Variants in UBR3 observed in about 807,000 individuals in gnomAD.
The protein encoded by UBR3 is E3 ubiquitin-protein ligase UBR3.
In UBR3, 85 loss-of-function variants were observed where a neutral mutation model predicts 243.2. The ratio of observed to expected loss-of-function variants is 0.35; its 90% CI spans 0.29 to 0.42. UBR3 has a LOEUF of 0.42. Among genes scored for constraint, UBR3 ranks in the 10% least tolerant of loss-of-function variants. The pLI, the probability that UBR3 is intolerant of heterozygous loss-of-function variation, is 1.00. For synonymous variants in UBR3, 748 were observed against 799.8 expected (o/e 0.94, Z 1.09); for missense variants, 1,686 against 2,300.8 (o/e 0.73, Z 5.47).
At chr2:169,936,974 A>G (rs13020522) in intron 19 of UBR3, among the ~76,000 whole-genome samples, 64,400 of 152,018 alleles carry the variant, frequency 0.42, 15,243 homozygotes, top group Non-Finnish European at 0.54. Flanking sequence ...TGGTGCTGCA[A>G]TAAACATACA....
intron 10 of UBR3, among the ~76,000 whole-genome samples, chr2:169,909,284 AG>A (rs1339197584): frequency 7.2e-5 from 11 of 152,284 alleles, no homozygotes; most frequent in African/African-American, 2.6e-4. Context: ...TTTTTAAGCA[AG>A]GGTTTAATGT....
At chr2:169,844,008 T>G (rs2082383607) in intron 1 of UBR3, among the ~76,000 whole-genome samples, 1 of 36,074 alleles carries the variant, frequency 2.8e-5, no homozygotes, top group Admixed American at 3.2e-4. Context: ...TTCTCTTTAC[T>G]TTTTTTTTTT....
chr2:169,928,324 A>G (rs2085985227), intron 17 of UBR3, among the ~76,000 whole-genome samples: 2 of 152,056 alleles, frequency 1.3e-5, no homozygotes, highest in Admixed American at 6.5e-5. Context: ...GTGTTTTTGG[A>G]AAAACAATCT....
At position 170,017,530 on chromosome 2, in the gene UBR3, CACACACACACACACAG is replaced by C. The variant is rs989167715; in HGVS notation, c.4453+2180_4453+2195del. On this transcript the variant is annotated intron_variant, in intron 30 of 38. Transcript: ENST00000272793. Reference sequence around the variant, plus strand: ...CCTGGTATATAATTACGGACACACACACACACACACACACAGACACACACACACACACACACACACA... The same window carrying C: ...CCTGGTATATAATTACGGACACACACACACACACACACACACACACACACA... 3.6e-4 allele frequency among the ~76,000 whole-genome samples: 15 copies of C among 41,834 alleles called. 1 individual carries two copies. In the Middle Eastern group the frequency reaches 0.029, roughly 82 times the overall value. The allele number at this position is 41,834 out of a possible 152,430, so 27.4% of individuals were successfully genotyped here.
chr2:169,890,540 G>GAGAGAGAGAGATATATATATATATATAT (rs1553504401), intron 5 of UBR3, among the ~76,000 whole-genome samples: 1 of 76,020 alleles, frequency 1.3e-5, no homozygotes, highest in African/African-American at 6.4e-5. Flanking sequence ...GAGAGAGAGA[G>GAGAGAGAGAGATATATATATATATATAT]ATATATATAT....
chr2:170,002,664 G>A (rs1387068816), intron 27 of UBR3, among the ~76,000 whole-genome samples: 1 of 152,088 alleles, frequency 6.6e-6, no homozygotes, highest in Non-Finnish European at 1.5e-5. Context: ...CACCTCAGGG[G>A]CCTTAATTCA....
chr2:169,842,735 C>T, intron 1 of UBR3, among the ~76,000 whole-genome samples: 1 of 152,198 alleles, frequency 6.6e-6, no homozygotes, highest in Non-Finnish European at 1.5e-5. Context: ...ACTCCGAACA[C>T]ATCTGAACAT....
At chr2:169,927,001 AT>A in intron 16 of UBR3, 30 bp downstream of exon 16, 1 of 1,535,384 alleles carries the variant, frequency 6.5e-7, no homozygotes, top group Non-Finnish European at 8.8e-7. Flanking sequence ...ATACTTATGC[AT>A]TAACTGTTTT....
chr2:169,948,938 C>T (rs2086897085), intron 22 of UBR3, among the ~76,000 whole-genome samples: 1 of 151,532 alleles, frequency 6.6e-6, no homozygotes, highest in Non-Finnish European at 1.5e-5. Flanking sequence ...AAAAACAAAT[C>T]ATAGTCCTTG....
At chr2:169,970,444 AG>A (rs2088073773) in intron 24 of UBR3, among the ~76,000 whole-genome samples, 1 of 126,546 alleles carries the variant, frequency 7.9e-6, no homozygotes, top group Non-Finnish European at 1.7e-5. Context: ...ATCTAGCATT[AG>A]GTATATCTCC....
At chr2:169,888,424 C>A (rs1332671937) in intron 5 of UBR3, among the ~76,000 whole-genome samples, 7 of 152,258 alleles carry the variant, frequency 4.6e-5, no homozygotes, top group African/African-American at 1.7e-4. Flanking sequence ...CAGGCGTGAG[C>A]CACCGCGCCT....
intron 10 of UBR3, among the ~76,000 whole-genome samples, chr2:169,907,379 T>C (rs931958146): frequency 6.6e-6 from 1 of 152,220 alleles, no homozygotes; most frequent in African/African-American, 2.4e-5. Flanking sequence ...TTTTGTCATT[T>C]AATGGTATCT....
At chr2:170,079,229 TTTA>T (rs1469572883) in intron 36 of UBR3, among the ~76,000 whole-genome samples, 1 of 152,228 alleles carries the variant, frequency 6.6e-6, no homozygotes, top group Non-Finnish European at 1.5e-5. Context: ...TGACAATTTT[TTTA>T]TTCTTATAGC....
intron 26 of UBR3, among the ~76,000 whole-genome samples, 158 bp downstream of exon 26, chr2:169,994,614 TTAA>T (rs2089415087): frequency 6.6e-6 from 1 of 152,240 alleles, no homozygotes; most frequent in Non-Finnish European, 1.5e-5. Flanking sequence ...TGGAAATCTG[TTAA>T]TAAACATTTC....
chr2:169,990,718 C>T (rs1574351950), intron 25 of UBR3, among the ~76,000 whole-genome samples: 3 of 25,312 alleles, frequency 1.2e-4, no homozygotes, highest in East Asian at 0.05. Flanking sequence ...AAAAGTTATA[C>T]ACACACACAC....
At chr2:169,953,695 A>T (rs16823117) in intron 23 of UBR3, among the ~76,000 whole-genome samples, 21,387 of 152,228 alleles carry the variant, frequency 0.14, 2,021 homozygotes, top group East Asian at 0.44. Flanking sequence ...ATTAGTGTCA[A>T]GCAGTTACAT....
At chr2:170,041,380 A>C (rs1419615692) in intron 32 of UBR3, among the ~76,000 whole-genome samples, 1 of 152,190 alleles carries the variant, frequency 6.6e-6, no homozygotes, top group African/African-American at 2.4e-5. Context: ...CATTCTGAAA[A>C]TGGTTTAAAA....
intron 10 of UBR3, among the ~76,000 whole-genome samples, chr2:169,912,524 T>C (rs1389060400): frequency 6.6e-6 from 1 of 152,232 alleles, no homozygotes; most frequent in Non-Finnish European, 1.5e-5. Context: ...AGCTGTGTTG[T>C]AGCATGTATC....
chr2:170,016,702 TA>T (rs2090246126), intron 30 of UBR3: 1 of 179,268 alleles, frequency 5.6e-6, no homozygotes, highest in South Asian at 1.9e-4. Context: ...CTGAGGCACT[TA>T]AACTTATCTA....
Sources: gnomAD v4.1 joint callset for allele counts (sites outside exome capture counted in the v4.1 genomes callset) on GRCh38, gnomAD v4.1.1 for gene constraint, MANE v1.5 for transcripts, NCBI Gene and HGNC (gene_info 2026-07-23, HGNC 2026-07-21) for gene names.